PLEKHM1: variants seen among roughly 807,000 people sequenced by gnomAD.
The protein encoded by PLEKHM1 is pleckstrin homology domain-containing family M member 1.
In PLEKHM1, 28 loss-of-function variants were observed where a neutral mutation model predicts 94.3. The observed-to-expected ratio is 0.30, with a 90% CI of 0.22 to 0.41. The LOEUF (loss-of-function observed/expected upper bound fraction) is 0.41. Ranked by LOEUF, PLEKHM1 falls within the 10% of genes least tolerant of loss-of-function variation. The probability of loss-of-function intolerance (pLI) is 1.00; values close to 1 mark genes in which losing one functional copy is unlikely to be tolerated. For missense variants in PLEKHM1, 907 were observed against 1,358.6 expected (o/e 0.67, Z 5.22); for synonymous variants, 424 against 581.2 (o/e 0.73, Z 3.89).
At position 45,436,727 on chromosome 17, in the gene PLEKHM1, G is replaced by A. The variant is rs765519430; in HGVS notation, c.*1131C>T. ...CTCCGGGGAACTTCTTCAGTCTCCA[G>A]TGTCCCGGCTGGGCAAGTTCAGTGA... On this transcript the variant is annotated 3_prime_UTR_variant, in exon 12 of 12. Transcript: ENST00000430334. The A allele has an allele frequency of 2.0e-5, 9 of 454,062 alleles. No individual in the cohort carries two copies. Among genetic ancestry groups the A allele is most frequent in the African/African-American group, 1.6e-4 (8 of 50,024 alleles). The allele number at this position is 454,062 out of a possible 1,614,324, so 28.1% of individuals were successfully genotyped here.
In PLEKHM1 at chr17:45,437,297, T is replaced by A. The variant is rs755669380; in HGVS notation, c.*561A>T. ...CAAGGAAAGGCACTGGGTGGGCCCA[T>A]AGACCCTGTCCCAGCAGTGGCCTGC... On this transcript the variant is annotated 3_prime_UTR_variant, in exon 12 of 12. Transcript: ENST00000430334. The surrounding 1 kb of genome is among the most constrained non-coding windows in gnomAD (Gnocchi z 4.0). 4.4e-6 allele frequency: 2 copies of A among 453,982 alleles called. No homozygotes were observed. The highest frequency in any genetic ancestry group is 8.8e-6 in the Non-Finnish European group (2 of 226,796). The allele number at this position is 453,982 out of a possible 1,614,324, so 28.1% of individuals were successfully genotyped here.
intron 1 of PLEKHM1, among the ~76,000 whole-genome samples, chr17:45,489,587 G>A (rs2052241014): frequency 6.6e-6 from 1 of 152,118 alleles, no homozygotes; most frequent in Non-Finnish European, 1.5e-5. Context: ...CTGAGGACAG[G>A]TGCAGGAGAC....
chr17:45,486,497 C>T (rs1481305166), intron 1 of PLEKHM1, among the ~76,000 whole-genome samples: 1 of 151,716 alleles, frequency 6.6e-6, no homozygotes, highest in Non-Finnish European at 1.5e-5. Flanking sequence ...TGGCGTGGAC[C>T]CAGGAGGTGG....
Position 45,475,172 on chromosome 17 carries a change from C to T in PLEKHM1, c.851G>A (p.Cys284Tyr). ...TGAGTCACAGGACATGGGCTCCTCG[C>T]AATGGTCTGGACTCTTGGAGCCATT... ...QENGSKSPDH[C>Y]EEPMSCDSDL... is the part of the protein sequence containing the mutation. Residue 284 changes from cysteine to tyrosine, a missense_variant, in exon 4 of 12, where the codon TGC becomes TAC. Physicochemically the swap from Cys to Tyr is radical, Grantham distance 194. Transcript: ENST00000430334. 1.2e-6 allele frequency: 2 copies of T among 1,613,946 alleles called. No individual in the cohort carries two copies. The highest frequency in any genetic ancestry group is 8.5e-7 in the Non-Finnish European group (1 of 1,179,862).
At chr17:45,471,683 G>C (rs2051518577) in intron 4 of PLEKHM1, among the ~76,000 whole-genome samples, 1 of 152,230 alleles carries the variant, frequency 6.6e-6, no homozygotes, top group African/African-American at 2.4e-5. Flanking sequence ...ATGAACCCAG[G>C]AGGCGGAGGT....
chr17:45,446,003 C>T (rs2145184695), intron 8 of PLEKHM1: 2 of 447,520 alleles, frequency 4.5e-6, no homozygotes, highest in Non-Finnish European at 8.2e-6. Flanking sequence ...TCTTTCCTGT[C>T]CTCCCAGCCC....
chr17:45,490,684 C>G lies in PLEKHM1; in HGVS notation c.-74G>C. On this transcript the variant is annotated 5_prime_UTR_variant, in exon 1 of 12. Transcript: ENST00000430334. ...AGCGAGGAGCGAGGCGAGGGGCGCT[C>G]CCGGCCGCGGCAGCCCCTCAGCCTC... 2.2e-6 allele frequency: 1 copy of G among 450,730 alleles called. No homozygotes were observed. Among genetic ancestry groups the G allele is most frequent in the Non-Finnish European group, 4.5e-6 (1 of 224,680 alleles). The allele number at this position is 450,730 out of a possible 1,614,324, so 27.9% of individuals were successfully genotyped here.
At chr17:45,481,883 C>A (rs1451366236) in intron 2 of PLEKHM1, among the ~76,000 whole-genome samples, 2 of 152,108 alleles carry the variant, frequency 1.3e-5, no homozygotes, top group Admixed American at 6.5e-5. Context: ...GCTAAGGGAC[C>A]AGCCCCAAAG....
chr17:45,477,642 T>C, intron 3 of PLEKHM1: 1 of 532,874 alleles, frequency 1.9e-6, no homozygotes, highest in Non-Finnish European at 3.4e-6. Context: ...TCTCACCTGC[T>C]TTTTGTGACC....
Position 45,436,859 on chromosome 17 carries a change from C to T in PLEKHM1, c.*999G>A, listed in dbSNP as rs543782965. ...CAGGTCACTTCTCCACAGTGCAGGG[C>T]GTGGCTGCCTGCCCTCTCTGGGGTC... On this transcript the variant is annotated 3_prime_UTR_variant, in exon 12 of 12. Coordinates refer to ENST00000430334, the MANE Select transcript of PLEKHM1 (RefSeq NM_014798.3). The T allele has an allele frequency of 1.2e-4, 53 of 453,860 alleles. 1 individual carries two copies. Among genetic ancestry groups the T allele is most frequent in the South Asian group, 8.2e-4 (53 of 64,464 alleles). The allele number at this position is 453,860 out of a possible 1,614,324, so 28.1% of individuals were successfully genotyped here. A position where few individuals can be genotyped will look rare whatever the true frequency, so the allele number is the denominator to read the frequency against.
intron 4 of PLEKHM1, among the ~76,000 whole-genome samples, chr17:45,474,854 G>A (rs946672404): frequency 3.3e-5 from 5 of 152,152 alleles, no homozygotes; most frequent in East Asian, 1.9e-4. Context: ...AAAAGTCACC[G>A]GGGCAGAGCT....
At position 45,490,666 on chromosome 17, in the gene PLEKHM1, AGCGAGGCGAGGG is replaced by A. The variant is rs2052286069; in HGVS notation, c.-68_-57del. On this transcript the variant is annotated 5_prime_UTR_variant, in exon 1 of 12. Coordinates refer to ENST00000430334, the MANE Select transcript of PLEKHM1 (RefSeq NM_014798.3). ...CCCTAACTCACCAAGCGGAGCGAGG[AGCGAGGCGAGGG>A]GCGCTCCCGGCCGCGGCAGCCCCTC... 1 of 450,418 alleles carries A rather than the reference AGCGAGGCGAGGG, an allele frequency of 2.2e-6. No individual in the cohort carries two copies. Among genetic ancestry groups the A allele is most frequent in the African/African-American group, 2.0e-5 (1 of 49,172 alleles). 27.9% of individuals were successfully genotyped at this position (450,418 alleles called of 1,614,324 possible). A position where few individuals can be genotyped will look rare whatever the true frequency, so the allele number is the denominator to read the frequency against.
At chr17:45,483,750 A>C (rs1393438763) in intron 1 of PLEKHM1, among the ~76,000 whole-genome samples, 1 of 152,056 alleles carries the variant, frequency 6.6e-6, no homozygotes, top group Non-Finnish European at 1.5e-5. Context: ...TCCACCTGAC[A>C]GATAAGGAAA....
chr17:45,472,156 C>CT (rs1380292497), intron 4 of PLEKHM1, among the ~76,000 whole-genome samples: 1 of 150,584 alleles, frequency 6.6e-6, no homozygotes, highest in Non-Finnish European at 1.5e-5. Context: ...TTGATGAACT[C>CT]TAAATGTCGG....
chr17:45,478,240 G>A (rs2051822974), intron 2 of PLEKHM1, 93 bp from the exon 3 acceptor site: 2 of 1,420,596 alleles, frequency 1.4e-6, no homozygotes, highest in Non-Finnish European at 2.0e-6. Flanking sequence ...AAATACGTGT[G>A]CAACCACATG....
chr17:45,476,911 T>G (rs1352360250), intron 3 of PLEKHM1, among the ~76,000 whole-genome samples: 3 of 152,044 alleles, frequency 2.0e-5, no homozygotes, highest in Non-Finnish European at 4.4e-5. Flanking sequence ...GACCAGATGA[T>G]GGACTCAAGG....
intron 4 of PLEKHM1, among the ~76,000 whole-genome samples, chr17:45,472,819 A>C (rs544540958): frequency 7.1e-4 from 108 of 152,302 alleles, no homozygotes; most frequent in African/African-American, 2.5e-3. Context: ...CCAGTCCGTA[A>C]CACCACCCAA....
At chr17:45,477,601 A>G in intron 3 of PLEKHM1, 7 of 456,218 alleles carry the variant, frequency 1.5e-5, no homozygotes, top group Non-Finnish European at 2.0e-5. Flanking sequence ...CCAGTGTGGC[A>G]AAAAAGGCTG....
rs758655453 is a variant in PLEKHM1 at position 45,468,401 on chromosome 17, G to A, written c.1116C>T (p.His372=). The A allele has an allele frequency of 1.1e-5, 18 of 1,614,086 alleles. No individual in the cohort carries two copies. The East Asian group carries it at 2.5e-4, about 22-fold the overall frequency. The change falls in exon 5 of 12, where the codon CAC becomes CAT. Residue 372 remains histidine (H), a synonymous_variant. Transcript: ENST00000430334. ...QAASGTQDGV[H]VQEPRPQAPS... ...GCGCCTGGGGACGCGGCTCCTGCAC[G>A]TGGACACCATCTTGAGTTCCAGAGG...
Sources: allele counts gnomAD v4.1 joint callset (sites outside exome capture counted in the v4.1 genomes callset), GRCh38; gene constraint gnomAD v4.1.1; non-coding constraint Gnocchi (gnomAD v3.1); transcripts MANE v1.5; gene names NCBI Gene and HGNC (gene_info 2026-07-23, HGNC 2026-07-21).